Variants in RPS6KC1 observed in about 807,000 individuals in gnomAD.
RPS6KC1 encodes the protein ribosomal protein S6 kinase C1, also known as inactive ribosomal protein S6 kinase delta-1.
RPS6KC1 carries 54 observed loss-of-function variants against 103.8 expected under a neutral mutation model. That is an observed-to-expected ratio of 0.52 (90% CI 0.42 to 0.65). The LOEUF (loss-of-function observed/expected upper bound fraction) is 0.65. RPS6KC1 is among the 30% of genes least tolerant of loss of function. The pLI, the probability that RPS6KC1 is intolerant of heterozygous loss-of-function variation, is 0.00. For missense variants in RPS6KC1, 1,151 were observed against 1,253.8 expected, an observed-to-expected ratio of 0.92 and a Z score of 1.24; for synonymous variants, 439 against 438.7, an observed-to-expected ratio of 1.00 and a Z score of -0.01.
intron 4 of RPS6KC1, among the ~76,000 whole-genome samples, chr1:213,116,194 CTT>C (rs896621098): frequency 6.6e-6 from 1 of 152,020 alleles, no homozygotes; most frequent in Non-Finnish European, 1.5e-5. Context: ...GTCTAAGTCT[CTT>C]TGTAGGTCAC....
At chr1:213,428,678 CTT>C in the RPS6KC1 span, 3 of 136,862 alleles carry the variant, frequency 2.2e-5, no homozygotes, top group African/African-American at 8.1e-5. Context: ...TGTGCTATAA[CTT>C]TACTTGACAA....
the RPS6KC1 span, among the ~76,000 whole-genome samples, chr1:213,463,611 C>T: frequency 5.3e-5 from 8 of 152,236 alleles, no homozygotes; most frequent in South Asian, 1.7e-3. Flanking sequence ...GTCCTCTGAG[C>T]TCTCTGCTCA....
the RPS6KC1 span, among the ~76,000 whole-genome samples, chr1:213,397,388 A>G: frequency 6.6e-6 from 1 of 152,052 alleles, no homozygotes; most frequent in African/African-American, 2.4e-5. Flanking sequence ...AGTGGTTCTT[A>G]GGGTTAAAGA....
the RPS6KC1 span, among the ~76,000 whole-genome samples, chr1:213,817,563 G>A: frequency 6.6e-6 from 1 of 152,140 alleles, no homozygotes; most frequent in Non-Finnish European, 1.5e-5. Flanking sequence ...TCCTTCAGAG[G>A]GCTCAAAACA....
the RPS6KC1 span, among the ~76,000 whole-genome samples, chr1:213,313,267 C>T: frequency 6.6e-6 from 1 of 152,270 alleles, no homozygotes; most frequent in South Asian, 2.1e-4. Context: ...TAGGTGGCCA[C>T]CAATCCGCCC....
the RPS6KC1 span, among the ~76,000 whole-genome samples, chr1:213,577,563 T>C: frequency 6.6e-6 from 1 of 152,150 alleles, no homozygotes; most frequent in African/African-American, 2.4e-5. Context: ...CTTATCGAAA[T>C]GTTTTGACCA....
At chr1:213,425,055 A>G in the RPS6KC1 span, among the ~76,000 whole-genome samples, 12,879 of 152,148 alleles carry the variant, frequency 0.085, 716 homozygotes, top group South Asian at 0.19. Flanking sequence ...AGGAGCCGCC[A>G]TGTAGCAGGG....
chr1:213,336,272 T>A, the RPS6KC1 span, among the ~76,000 whole-genome samples: 2 of 152,194 alleles, frequency 1.3e-5, no homozygotes. Context: ...AGGCCCAAAG[T>A]GGTGAGCTGA....
chr1:213,130,953 A>G (rs963412325), intron 6 of RPS6KC1, among the ~76,000 whole-genome samples: 7 of 150,612 alleles, frequency 4.6e-5, no homozygotes, highest in African/African-American at 7.3e-5. Context: ...GGCAGCTTTT[A>G]TATTCTAAAA....
the RPS6KC1 span, among the ~76,000 whole-genome samples, chr1:213,759,638 G>A: frequency 6.6e-6 from 1 of 152,168 alleles, no homozygotes; most frequent in African/African-American, 2.4e-5. Flanking sequence ...TCTGTCCTCA[G>A]CCCCCAGTAC....
At position 213,241,248 on chromosome 1, in the gene RPS6KC1, G is replaced by A; in HGVS notation, c.1772G>A (p.Ser591Asn). 1 of 1,613,864 alleles carries A rather than the reference G, an allele frequency of 6.2e-7. No individual in the cohort carries two copies. The highest frequency in any genetic ancestry group is 8.5e-7 in the Non-Finnish European group (1 of 1,179,892). Reference protein sequence around the residue: ...VSSPRTSDSLSRSKNSPMEFF... With the variant: ...VSSPRTSDSLNRSKNSPMEFF... The stretch of plus-strand genomic sequence containing the variant: ...TCTCCAAGAACATCAGATTCCCTCA[G>A]TAGATCAAAAAATAGCCCCATGGAA... The change falls in exon 11 of 15, where the codon AGT (serine) becomes AAT (asparagine). Residue 591 changes from serine to asparagine, a missense_variant. Physicochemically the swap from Ser to Asn is conservative, Grantham distance 46. Coordinates refer to ENST00000366960, the MANE Select transcript of RPS6KC1 (RefSeq NM_012424.6).
chr1:213,840,359 C>T, the RPS6KC1 span: 1 of 152,192 alleles, frequency 6.6e-6, no homozygotes, highest in Non-Finnish European at 1.5e-5. Context: ...GTGCTGGGCA[C>T]ATAATGAGTG....
At chr1:213,160,061 C>T (rs1378295827) in intron 6 of RPS6KC1, among the ~76,000 whole-genome samples, 1 of 152,104 alleles carries the variant, frequency 6.6e-6, no homozygotes, top group Admixed American at 6.5e-5. Context: ...CTTATTATAT[C>T]TTTATAATTA....
the RPS6KC1 span, among the ~76,000 whole-genome samples, chr1:213,414,587 C>T: frequency 6.6e-6 from 1 of 152,132 alleles, no homozygotes; most frequent in Non-Finnish European, 1.5e-5. Context: ...CACAGAGCCT[C>T]CAGGAGGGAC....
the RPS6KC1 span, among the ~76,000 whole-genome samples, chr1:213,627,485 A>G: frequency 6.6e-6 from 1 of 152,114 alleles, no homozygotes; most frequent in African/African-American, 2.4e-5. Context: ...GAGAGAGGGC[A>G]TCCCTGTCTT....
At chr1:213,707,605 G>A in the RPS6KC1 span, among the ~76,000 whole-genome samples, 2 of 152,182 alleles carry the variant, frequency 1.3e-5, no homozygotes, top group African/African-American at 4.8e-5. Context: ...TTTTAGTCAT[G>A]AAGTCTTTGC....
the RPS6KC1 span, among the ~76,000 whole-genome samples, chr1:213,696,458 C>G: frequency 6.8e-6 from 1 of 146,126 alleles, no homozygotes; most frequent in Admixed American, 6.8e-5. Flanking sequence ...GCCGAGATCA[C>G]GCCGTTGCAC....
chr1:213,285,755 G>C, the RPS6KC1 span, among the ~76,000 whole-genome samples: 7 of 152,164 alleles, frequency 4.6e-5, no homozygotes, highest in Non-Finnish European at 1.0e-4. Flanking sequence ...ACCCAAAGCA[G>C]TAGTATTAAG....
the RPS6KC1 span, among the ~76,000 whole-genome samples, chr1:213,801,968 C>T: frequency 3.9e-5 from 6 of 152,104 alleles, no homozygotes; most frequent in African/African-American, 9.7e-5. Flanking sequence ...TTACTTATCC[C>T]GAATTCAGTT....
Sources: allele counts gnomAD v4.1 joint callset (sites outside exome capture counted in the v4.1 genomes callset), GRCh38; gene constraint gnomAD v4.1.1; transcripts MANE v1.5; gene names NCBI Gene and HGNC (gene_info 2026-07-23, HGNC 2026-07-21).